The following ABI1 variants were observed in gnomAD, a reference collection of about 807,000 sequenced individuals.
The protein encoded by ABI1 is Abelson interactor 1.
Under a neutral mutation model 54.6 loss-of-function variants are expected in ABI1, and 14 were observed. The observed-to-expected ratio is 0.26, with a 90% CI of 0.17 to 0.40. ABI1 has a LOEUF of 0.40. Ranked by LOEUF, ABI1 falls within the 10% of genes least tolerant of loss-of-function variation. The pLI, the probability that ABI1 is intolerant of heterozygous loss-of-function variation, is 1.00. For synonymous variants in ABI1, 194 were observed against 209.3 expected (o/e 0.93, Z 0.63); for missense variants, 443 against 598.3 (o/e 0.74, Z 2.71).
In ABI1 at chr10:26,748,603, G is replaced by A; in HGVS notation, c.1413C>T (p.Asn471=). The stretch of plus-strand genomic sequence containing the variant: ...TATAGTGCATGATTGATTCAACATA[G>A]TTCCCAGGGAACAGACCAGTCACTC... ...CNRVTGLFPG[N]YVESIMHYTD Residue 471 remains asparagine, a synonymous_variant, in exon 11 of 11, where the codon AAC becomes AAT. Transcript: ENST00000376140. 1 of 1,612,816 alleles carries A rather than the reference G, an allele frequency of 6.2e-7. No homozygotes were observed. The highest frequency in any genetic ancestry group is 8.5e-7 in the Non-Finnish European group (1 of 1,179,626).
At chr10:26,818,258 CTA>C (rs1248152512) in intron 2 of ABI1, among the ~76,000 whole-genome samples, 2 of 140,342 alleles carry the variant, frequency 1.4e-5, no homozygotes, top group Non-Finnish European at 3.1e-5. Flanking sequence ...GAAATAATAA[CTA>C]TGGGTAAATA....
chr10:26,858,721 G>A (rs946924778), intron 1 of ABI1, among the ~76,000 whole-genome samples: 42 of 151,910 alleles, frequency 2.8e-4, no homozygotes, highest in Admixed American at 2.7e-3. Flanking sequence ...TAAAGGAAAG[G>A]GGTCAGAGAG....
chr10:26,783,779 T>G (rs1259087335), intron 2 of ABI1, among the ~76,000 whole-genome samples: 1 of 152,214 alleles, frequency 6.6e-6, no homozygotes, highest in Non-Finnish European at 1.5e-5. Context: ...CTGGATTTCT[T>G]TGGTCTTAAA....
intron 1 of ABI1, among the ~76,000 whole-genome samples, chr10:26,832,605 T>A (rs1318281731): frequency 3.3e-5 from 5 of 151,708 alleles, no homozygotes; most frequent in Admixed American, 3.3e-4. Context: ...TAAAATAAAA[T>A]AAATAAATAA....
chr10:26,827,127 C>T (rs1026207052), intron 1 of ABI1, among the ~76,000 whole-genome samples: 2 of 152,010 alleles, frequency 1.3e-5, no homozygotes, highest in Non-Finnish European at 2.9e-5. Flanking sequence ...GTTGTCCAGG[C>T]TGGTCTTGAT....
intron 3 of ABI1, chr10:26,776,763 CTT>C (rs923228644): frequency 4.4e-6 from 1 of 226,462 alleles, no homozygotes; most frequent in African/African-American, 2.3e-5. Context: ...AGCATGTAGA[CTT>C]TTATTTTTAA....
chr10:26,747,217 C>T lies in ABI1; in HGVS notation c.*1353G>A. ...AACAAATCCTCAATAACACAGAAAC[C>T]CACACTTGAGTGCTCTACTTTAATA... On this transcript the variant is annotated 3_prime_UTR_variant, in exon 11 of 11. Transcript: ENST00000376140. 3 of 224,890 alleles carry T rather than the reference C, an allele frequency of 1.3e-5. No homozygotes were observed. The highest frequency in any genetic ancestry group is 2.7e-5 in the Non-Finnish European group (3 of 112,868). The allele number at this position is 224,890 out of a possible 1,614,324, so 13.9% of individuals were successfully genotyped here. A position where few individuals can be genotyped will look rare whatever the true frequency, so the allele number is the denominator to read the frequency against.
At chr10:26,751,010 T>TA (rs1330125031) in intron 10 of ABI1, among the ~76,000 whole-genome samples, 3 of 152,238 alleles carry the variant, frequency 2.0e-5, no homozygotes, top group Non-Finnish European at 4.4e-5. Flanking sequence ...CTCCTCCACT[T>TA]ACATACAATG....
At chr10:26,846,351 T>A (rs2049977534) in intron 1 of ABI1, among the ~76,000 whole-genome samples, 1 of 150,982 alleles carries the variant, frequency 6.6e-6, no homozygotes, top group African/African-American at 2.4e-5. Flanking sequence ...TCTTTTTTTT[T>A]TTTTTTCTTG....
At chr10:26,758,938 A>T in intron 8 of ABI1, 124 bp downstream of exon 8, 3 of 1,059,336 alleles carry the variant, frequency 2.8e-6, no homozygotes, top group Non-Finnish European at 4.1e-6. Context: ...ATCCTAAAAC[A>T]AAAATAAACA....
chr10:26,839,661 A>ATAAT, intron 1 of ABI1: 1 of 632,046 alleles, frequency 1.6e-6, no homozygotes, highest in Non-Finnish European at 2.8e-6. Context: ...TAAAAAAAAA[A>ATAAT]AAAAACATGC....
At position 26,850,083 on chromosome 10, in the gene ABI1, G is replaced by C. The variant is rs563915721; in HGVS notation, c.117+10664C>G. The stretch of plus-strand genomic sequence containing the variant: ...CTTTTTCCACTACACAACTGTGTGA[G>C]GACAGATTTCCTTCATATACTTCAA... On this transcript the variant is annotated intron_variant, in intron 1 of 10. Transcript: ENST00000376140. Among the ~76,000 whole-genome samples, 3 of 152,228 alleles carry C rather than the reference G, an allele frequency of 2.0e-5. No homozygotes were observed. The South Asian group carries it at 6.2e-4, about 32-fold the overall frequency.
intron 1 of ABI1, among the ~76,000 whole-genome samples, chr10:26,840,385 T>C (rs2049409120): frequency 6.6e-6 from 1 of 152,198 alleles, no homozygotes; most frequent in African/African-American, 2.4e-5. Flanking sequence ...CCATGCTTCT[T>C]ATACGGTCTG....
chr10:26,820,485 C>T (rs558765561), intron 2 of ABI1, among the ~76,000 whole-genome samples: 1 of 152,124 alleles, frequency 6.6e-6, no homozygotes, highest in South Asian at 2.1e-4. Flanking sequence ...TTTCCAATAA[C>T]CCCTGGGTCA....
intron 1 of ABI1, among the ~76,000 whole-genome samples, chr10:26,853,418 T>C (rs1195006945): frequency 6.6e-6 from 1 of 151,778 alleles, no homozygotes; most frequent in Non-Finnish European, 1.5e-5. Flanking sequence ...CAAACCATAA[T>C]TTCAATAAAT....
intron 2 of ABI1, among the ~76,000 whole-genome samples, chr10:26,779,210 C>T (rs1841810620): frequency 6.6e-6 from 1 of 152,158 alleles, no homozygotes; most frequent in African/African-American, 2.4e-5. Flanking sequence ...GAGAAAAGTC[C>T]ACGAGAATCA....
chr10:26,772,358 C>T (rs1840796826), intron 3 of ABI1, among the ~76,000 whole-genome samples: 1 of 151,854 alleles, frequency 6.6e-6, no homozygotes, highest in Non-Finnish European at 1.5e-5. Flanking sequence ...CAATGTATAT[C>T]TTATAATGTA....
At chr10:26,755,606 A>G (rs1838202400) in intron 9 of ABI1, 49 bp downstream of exon 9, 4 of 1,435,700 alleles carry the variant, frequency 2.8e-6, no homozygotes, top group South Asian at 1.1e-5. Context: ...CATGCATGCT[A>G]TAAGGAGACA....
intron 1 of ABI1, among the ~76,000 whole-genome samples, chr10:26,846,864 T>C (rs2050022440): frequency 6.6e-6 from 1 of 152,074 alleles, no homozygotes; most frequent in Non-Finnish European, 1.5e-5. Flanking sequence ...CCCCAAATGT[T>C]CTCGGTTAAC....
Sources: gnomAD v4.1 joint callset for allele counts (sites outside exome capture counted in the v4.1 genomes callset) on GRCh38, gnomAD v4.1.1 for gene constraint, MANE v1.5 for transcripts, NCBI Gene and HGNC (gene_info 2026-07-23, HGNC 2026-07-21) for gene names.